The following CSGALNACT1 variants were observed in gnomAD, a reference collection of about 807,000 sequenced individuals.
CSGALNACT1 encodes the protein chondroitin sulfate N-acetylgalactosaminyltransferase 1.
CSGALNACT1 carries 52 observed loss-of-function variants against 51.0 expected under a neutral mutation model. That is an observed-to-expected ratio of 1.02 (90% CI 0.82 to 1.29). The LOEUF is 1.29. Among genes scored for constraint, CSGALNACT1 ranks in the 50% most tolerant of loss-of-function variants. The probability of loss-of-function intolerance (pLI) is 0.00; values close to 1 mark genes in which losing one functional copy is unlikely to be tolerated. For missense variants in CSGALNACT1, 935 were observed against 679.2 expected (o/e 1.38, Z -4.19); for synonymous variants, 341 against 254.4 (o/e 1.34, Z -3.24).
chr8:19,735,518 A>G (rs1256226026), intron 1 of CSGALNACT1, among the ~76,000 whole-genome samples: 2 of 142,526 alleles, frequency 1.4e-5, no homozygotes, highest in Non-Finnish European at 3.0e-5. Flanking sequence ...AGTAACAGAA[A>G]AAAAACCATG....
rs1564386482 is a variant in CSGALNACT1 at position 19,667,020 on chromosome 8, G to GAA, written c.-544+15451_-544+15452dup. On this transcript the variant is annotated intron_variant, in intron 1 of 9. Coordinates refer to the CSGALNACT1 transcript ENST00000332246. ...GAAAGAAAGAAAGAAAGAAAGAAAG[G>GAA]AAGGAAGGAAGGAAGGAAGGAAGAA... is the stretch of plus-strand genomic sequence containing the variant. Among the ~76,000 whole-genome samples, 19 of 27,274 alleles carry GAA rather than the reference G, an allele frequency of 7.0e-4. 1 individual carries two copies. The highest frequency in any genetic ancestry group is 1.0e-3 in the Non-Finnish European group (15 of 14,816). 17.9% of individuals were successfully genotyped at this position (27,274 alleles called of 152,430 possible).
chr8:19,666,155 G>A (rs914156342), intron 1 of CSGALNACT1, among the ~76,000 whole-genome samples: 5 of 152,264 alleles, frequency 3.3e-5, no homozygotes, highest in South Asian at 2.1e-4. Flanking sequence ...GGTGCTCCAC[G>A]GAAGCTGGAT....
At chr8:19,619,049 G>C (rs1449327688) in intron 1 of CSGALNACT1, among the ~76,000 whole-genome samples, 1 of 152,090 alleles carries the variant, frequency 6.6e-6, no homozygotes, top group Non-Finnish European at 1.5e-5. Context: ...TCTTAGAGAA[G>C]TCACAGATTA....
intron 1 of CSGALNACT1, among the ~76,000 whole-genome samples, chr8:19,718,305 T>C (rs2062926891): frequency 6.6e-6 from 1 of 152,144 alleles, no homozygotes. Context: ...TTGTACCATG[T>C]TGGCCAGGCT....
chr8:19,683,897 G>A (rs988830565), upstream of CSGALNACT1, among the ~76,000 whole-genome samples: 1 of 152,122 alleles, frequency 6.6e-6, no homozygotes, highest in Non-Finnish European at 1.5e-5. Flanking sequence ...CAGGAGTGGT[G>A]GCTCATGCCT....
chr8:19,485,759 CTTTTTTTTTTTT>C (rs386412239), intron 4 of CSGALNACT1, among the ~76,000 whole-genome samples: 11 of 38,520 alleles, frequency 2.9e-4, no homozygotes, highest in African/African-American at 1.0e-3. Context: ...CCTCAGCTTG[CTTTTTTTTTTTT>C]TTTTTTTTTT....
At chr8:19,447,078 G>T (rs184908777) in intron 5 of CSGALNACT1, among the ~76,000 whole-genome samples, 1 of 152,130 alleles carries the variant, frequency 6.6e-6, no homozygotes, top group Non-Finnish European at 1.5e-5. Context: ...GAATCTGCAC[G>T]CCTGCCCTGT....
At chr8:19,507,502 T>G (rs930857045) in intron 3 of CSGALNACT1, among the ~76,000 whole-genome samples, 30 of 141,238 alleles carry the variant, frequency 2.1e-4, no homozygotes, top group African/African-American at 7.7e-4. Context: ...TCCCTTTTCC[T>G]TGTCTTCCCC....
intron 1 of CSGALNACT1, among the ~76,000 whole-genome samples, chr8:19,646,207 AGT>A (rs1257820758): frequency 6.6e-6 from 1 of 152,242 alleles, no homozygotes; most frequent in Non-Finnish European, 1.5e-5. Flanking sequence ...ATACAAGATA[AGT>A]GTGTGTAAAA....
chr8:19,430,539 C>A (rs2059500779), intron 6 of CSGALNACT1, among the ~76,000 whole-genome samples: 1 of 152,156 alleles, frequency 6.6e-6, no homozygotes, highest in Non-Finnish European at 1.5e-5. Flanking sequence ...AGGTTTATTT[C>A]CGAACTCTGC....
At chr8:19,709,477 G>A (rs545216390) in intron 1 of CSGALNACT1, among the ~76,000 whole-genome samples, 12 of 152,296 alleles carry the variant, frequency 7.9e-5, no homozygotes, top group African/African-American at 2.2e-4. Flanking sequence ...TGGGTTAGCT[G>A]GTGAAGGGTG....
At chr8:19,678,579 G>A (rs1432712355) in intron 1 of CSGALNACT1, 1 of 152,168 alleles carries the variant, frequency 6.6e-6, no homozygotes, top group African/African-American at 2.4e-5. Context: ...GAAAGTCCAA[G>A]ACAAACAGTG....
intron 9 of CSGALNACT1, among the ~76,000 whole-genome samples, chr8:19,407,353 G>A (rs924534860): frequency 2.6e-5 from 4 of 152,074 alleles, no homozygotes; most frequent in Non-Finnish European, 4.4e-5. Context: ...AGAAGCCAGC[G>A]AGACCAGCAG....
intron 4 of CSGALNACT1, among the ~76,000 whole-genome samples, chr8:19,491,401 G>A (rs759322022): frequency 1.3e-5 from 2 of 152,140 alleles, no homozygotes; most frequent in African/African-American, 4.8e-5. Context: ...ACTGGAAAAA[G>A]CTATGAATAT....
chr8:19,516,750 A>G (rs1467254688), intron 3 of CSGALNACT1, among the ~76,000 whole-genome samples: 1 of 152,148 alleles, frequency 6.6e-6, no homozygotes, highest in African/African-American at 2.4e-5. Context: ...GGCTGGGGGA[A>G]TGTCACCCAT....
intron 3 of CSGALNACT1, among the ~76,000 whole-genome samples, chr8:19,557,862 A>G (rs912537955): frequency 3.9e-5 from 6 of 152,234 alleles, no homozygotes; most frequent in African/African-American, 1.4e-4. Context: ...TCTTCTCAGT[A>G]CATACAACAG....
chr8:19,738,568 T>A (rs1323615882), intron 1 of CSGALNACT1, among the ~76,000 whole-genome samples: 1 of 152,136 alleles, frequency 6.6e-6, no homozygotes, highest in Non-Finnish European at 1.5e-5. Context: ...GATGGTTACA[T>A]AACAACATGA....
intron 3 of CSGALNACT1, among the ~76,000 whole-genome samples, chr8:19,520,202 C>A (rs896971304): frequency 6.6e-6 from 1 of 152,174 alleles, no homozygotes; most frequent in Non-Finnish European, 1.5e-5. Flanking sequence ...ACAGAATGCA[C>A]GTATTGTGCA....
rs180807862 is a variant in CSGALNACT1 at position 19,410,884 on chromosome 8, C to T, written c.1228-2190G>A. On this transcript the variant is annotated intron_variant, in intron 8 of 9. Coordinates refer to ENST00000454498, the Ensembl canonical transcript of CSGALNACT1. ...GGAGTTCCCTCAGTCGAGGTTCCAC[C>T]ACCCACAGCTGTGCTGGGTCGCTAA... is the stretch of plus-strand genomic sequence containing the variant. 5.4e-4 allele frequency among the ~76,000 whole-genome samples: 83 copies of T among 152,320 alleles called. 1 individual carries two copies. The highest frequency in any genetic ancestry group is 4.7e-3 in the Admixed American group (72 of 15,304).
Sources: allele counts gnomAD v4.1 joint callset (sites outside exome capture counted in the v4.1 genomes callset), GRCh38; gene constraint gnomAD v4.1.1; transcripts MANE v1.5; gene names NCBI Gene and HGNC (gene_info 2026-07-23, HGNC 2026-07-21).